The following CNTNAP2 variants were observed in gnomAD, a reference collection of about 807,000 sequenced individuals.
CNTNAP2 encodes contactin-associated protein-like 2.
A neutral mutation model predicts 155.2 loss-of-function variants in CNTNAP2; 98 were observed. The observed-to-expected ratio is 0.63, with a 90% CI of 0.54 to 0.75. CNTNAP2 has a LOEUF of 0.75. Among genes scored for constraint, CNTNAP2 ranks in the 30% least tolerant of loss-of-function variants. The pLI, the probability that CNTNAP2 is intolerant of heterozygous loss-of-function variation, is 0.00. For synonymous variants in CNTNAP2, 651 were observed against 631.2 expected, an observed-to-expected ratio of 1.03 and a Z score of -0.47; for missense variants, 1,727 against 1,688.1, an observed-to-expected ratio of 1.02 and a Z score of -0.40.
intron 1 of CNTNAP2, among the ~76,000 whole-genome samples, chr7:146,133,168 G>A (rs1428027625): frequency 3.9e-5 from 6 of 151,986 alleles, no homozygotes; most frequent in African/African-American, 1.2e-4. Context: ...GGCCAGTGAT[G>A]ATGAGCATTT....
intron 15 of CNTNAP2, among the ~76,000 whole-genome samples, chr7:148,014,756 A>C (rs1031426248): frequency 2.0e-5 from 3 of 152,218 alleles, no homozygotes; most frequent in African/African-American, 7.2e-5. Flanking sequence ...GAAGCCAATA[A>C]TAATTAAAGA....
chr7:147,643,453 T>G (rs1795318092), intron 13 of CNTNAP2: 2 of 152,210 alleles, frequency 1.3e-5, no homozygotes, highest in Non-Finnish European at 2.9e-5. Flanking sequence ...TTCCTTGTAT[T>G]GTTATATTTT....
intron 12 of CNTNAP2, among the ~76,000 whole-genome samples, chr7:147,631,279 AG>A (rs912129757): frequency 6.6e-6 from 1 of 152,182 alleles, no homozygotes; most frequent in African/African-American, 2.4e-5. Context: ...CTAACCAAGG[AG>A]GTGAAAGATC....
intron 4 of CNTNAP2, among the ~76,000 whole-genome samples, chr7:147,090,840 G>A (rs938628277): frequency 1.6e-4 from 25 of 152,200 alleles, no homozygotes; most frequent in Middle Eastern, 3.4e-3. Flanking sequence ...CCGTGAAAGC[G>A]TTTCAATGTC....
At chr7:148,131,201 C>G (rs1261790904) in intron 16 of CNTNAP2, among the ~76,000 whole-genome samples, 2 of 149,116 alleles carry the variant, frequency 1.3e-5, no homozygotes, top group Non-Finnish European at 3.0e-5. Flanking sequence ...CGGGTTCAAG[C>G]AATTCTCCTG....
intron 10 of CNTNAP2, among the ~76,000 whole-genome samples, chr7:147,415,833 T>C (rs551317551): frequency 6.6e-6 from 1 of 152,232 alleles, no homozygotes; most frequent in South Asian, 2.1e-4. Flanking sequence ...GTGTAACAAG[T>C]GTGAACTGAT....
chr7:146,965,924 T>G (rs1001765832), intron 3 of CNTNAP2, among the ~76,000 whole-genome samples: 3 of 152,152 alleles, frequency 2.0e-5, no homozygotes, highest in Non-Finnish European at 4.4e-5. Flanking sequence ...TCCAGGTATC[T>G]CCTCTAAAAT....
chr7:146,545,099 A>G (rs1466720443), intron 1 of CNTNAP2, among the ~76,000 whole-genome samples: 1 of 151,908 alleles, frequency 6.6e-6, no homozygotes, highest in South Asian at 2.1e-4. Flanking sequence ...AAGCTCAGGT[A>G]GGAGGGAGTA....
Position 147,592,314 on chromosome 7 carries a change from A to T in CNTNAP2, c.1897+30057A>T, listed in dbSNP as rs566142098. 1.8e-3 allele frequency among the ~76,000 whole-genome samples: 275 copies of T among 152,318 alleles called. 1 individual carries two copies. Among genetic ancestry groups the T allele is most frequent in the Non-Finnish European group, 2.9e-3 (198 of 68,018 alleles). ...ATTCTAATGGTAATCAATATAGTTT[A>T]AAAATAAACCATTCAATTTTACTAA... On this transcript the variant is annotated intron_variant, in intron 12 of 23. Coordinates refer to ENST00000361727, the MANE Select transcript of CNTNAP2 (RefSeq NM_014141.6).
At chr7:146,648,556 A>AT (rs1563171681) in intron 1 of CNTNAP2, among the ~76,000 whole-genome samples, 2 of 152,146 alleles carry the variant, frequency 1.3e-5, no homozygotes, top group Non-Finnish European at 2.9e-5. Context: ...ATGTATGAAG[A>AT]TTTTGAGTCT....
At chr7:146,377,965 T>C (rs1018112758) in intron 1 of CNTNAP2, among the ~76,000 whole-genome samples, 2 of 152,204 alleles carry the variant, frequency 1.3e-5, no homozygotes, top group African/African-American at 4.8e-5. Context: ...ACAATTCTTA[T>C]GTTACTATGC....
intron 9 of CNTNAP2, among the ~76,000 whole-genome samples, chr7:147,381,566 T>C (rs1404709): frequency 0.22 from 32,996 of 152,148 alleles, 4,342 homozygotes; most frequent in African/African-American, 0.37. Flanking sequence ...AAAAAGACTA[T>C]GTAAAAAATA....
chr7:148,137,638 G>A (rs1804981492), intron 16 of CNTNAP2, among the ~76,000 whole-genome samples: 1 of 147,082 alleles, frequency 6.8e-6, no homozygotes. Flanking sequence ...CTCCAGCCTG[G>A]GCAACAGAGC....
chr7:147,915,754 C>CG (rs1421338254), intron 14 of CNTNAP2, among the ~76,000 whole-genome samples: 75 of 144,386 alleles, frequency 5.2e-4, no homozygotes, highest in African/African-American at 1.8e-3. Context: ...GGGTGGCGGG[C>CG]GGGGGTGAAG....
chr7:146,967,858 T>A (rs866194469), intron 3 of CNTNAP2, among the ~76,000 whole-genome samples: 8 of 151,696 alleles, frequency 5.3e-5, no homozygotes, highest in African/African-American at 1.7e-4. Flanking sequence ...TGAATAGGAG[T>A]GGTGAGAGAG....
intron 12 of CNTNAP2, among the ~76,000 whole-genome samples, chr7:147,606,152 T>A (rs941168021): frequency 2.6e-5 from 4 of 152,218 alleles, no homozygotes; most frequent in Non-Finnish European, 5.9e-5. Context: ...AAGTACTTTA[T>A]TTCACAATAA....
intron 22 of CNTNAP2, among the ~76,000 whole-genome samples, chr7:148,403,198 A>G (rs1244492622): frequency 6.6e-6 from 1 of 150,602 alleles, no homozygotes; most frequent in African/African-American, 2.5e-5. Context: ...TCCTCCAGCA[A>G]TATGTCCTGC....
intron 1 of CNTNAP2, among the ~76,000 whole-genome samples, chr7:146,575,086 A>G (rs1183205353): frequency 6.6e-6 from 1 of 152,158 alleles, no homozygotes; most frequent in Non-Finnish European, 1.5e-5. Context: ...TAGCCTATAC[A>G]ATAACTGTTC....
chr7:146,254,129 GCACACACACACACA>G (rs3050025), intron 1 of CNTNAP2, among the ~76,000 whole-genome samples: 2 of 144,868 alleles, frequency 1.4e-5, no homozygotes, highest in Admixed American at 6.8e-5. Flanking sequence ...ATTGCTACTT[GCACACACACACACA>G]CACACACACA....
Sources: gnomAD v4.1 joint callset for allele counts (sites outside exome capture counted in the v4.1 genomes callset) on GRCh38, gnomAD v4.1.1 for gene constraint, MANE v1.5 for transcripts, NCBI Gene and HGNC (gene_info 2026-07-23, HGNC 2026-07-21) for gene names.